The following CLSTN2 variants were observed in gnomAD, a reference collection of about 807,000 sequenced individuals.
The protein encoded by CLSTN2 is calsyntenin 2, also known as calsyntenin-2.
In CLSTN2, 48 loss-of-function variants were observed where a neutral mutation model predicts 101.2. The observed-to-expected ratio is 0.47, with a 90% CI of 0.38 to 0.60. CLSTN2 has a LOEUF of 0.60. Among genes scored for constraint, CLSTN2 ranks in the 20% least tolerant of loss-of-function variants. The pLI, the probability that CLSTN2 is intolerant of heterozygous loss-of-function variation, is 0.00. For synonymous variants in CLSTN2, 481 were observed against 463.6 expected (o/e 1.04, Z -0.48); for missense variants, 1,160 against 1,238.2 (o/e 0.94, Z 0.95).
In CLSTN2 at chr3:140,268,106, G is replaced by A. The variant is rs78469604; in HGVS notation, c.232+92033G>A. Reference sequence around the variant, plus strand: ...CTTGGAGGCGAAAAGAGCTATCGGGGTGAACCGCTGGCTGCCCTCACATAG... The same window carrying A: ...CTTGGAGGCGAAAAGAGCTATCGGGATGAACCGCTGGCTGCCCTCACATAG... On this transcript the variant is annotated intron_variant, in intron 2 of 16. Coordinates refer to ENST00000458420, the MANE Select transcript of CLSTN2 (RefSeq NM_022131.3). Among the ~76,000 whole-genome samples the A allele has an allele frequency of 2.6e-5, 4 of 152,146 alleles. No individual in the cohort carries two copies. In the East Asian group the frequency reaches 7.7e-4, roughly 29 times the overall value.
chr3:140,329,722 T>C (rs2087363652), intron 2 of CLSTN2, among the ~76,000 whole-genome samples: 1 of 152,236 alleles, frequency 6.6e-6, no homozygotes, highest in Non-Finnish European at 1.5e-5. Flanking sequence ...CTCATCTGGC[T>C]TCCTGTATTC....
At chr3:140,523,132 T>C (rs1935066702) in intron 8 of CLSTN2, among the ~76,000 whole-genome samples, 1 of 152,066 alleles carries the variant, frequency 6.6e-6, no homozygotes, top group East Asian at 1.9e-4. Flanking sequence ...TTGATGCCCA[T>C]GCACAGAGCA....
chr3:140,527,027 A>G (rs1043858244), intron 8 of CLSTN2, among the ~76,000 whole-genome samples: 1 of 152,306 alleles, frequency 6.6e-6, no homozygotes, highest in South Asian at 2.1e-4. Context: ...CAGCATTGGC[A>G]AAGAATTTAT....
At chr3:140,351,796 T>TTC (rs949276443) in intron 2 of CLSTN2, among the ~76,000 whole-genome samples, 2 of 151,684 alleles carry the variant, frequency 1.3e-5, no homozygotes, top group Non-Finnish European at 2.9e-5. Context: ...TGTTTTGTTT[T>TTC]TTTTTTTTCT....
At chr3:140,400,698 TA>T (rs934718020) in intron 2 of CLSTN2, among the ~76,000 whole-genome samples, 36 of 147,180 alleles carry the variant, frequency 2.4e-4, no homozygotes, top group South Asian at 1.5e-3. Context: ...GACCTCATCT[TA>T]AAAAAAAAAA....
At chr3:140,286,463 A>G (rs920853672) in intron 2 of CLSTN2, among the ~76,000 whole-genome samples, 8 of 152,176 alleles carry the variant, frequency 5.3e-5, no homozygotes, top group Non-Finnish European at 1.2e-4. Flanking sequence ...TCCCTGACAA[A>G]TTAGGGAGAA....
intron 1 of CLSTN2, among the ~76,000 whole-genome samples, chr3:140,134,226 A>C (rs1473218602): frequency 6.6e-6 from 1 of 152,170 alleles, no homozygotes; most frequent in African/African-American, 2.4e-5. Context: ...GTAAGCACTG[A>C]AGATGCCTTT....
intron 2 of CLSTN2, among the ~76,000 whole-genome samples, chr3:140,335,910 C>G (rs1206326786): frequency 6.6e-6 from 1 of 152,178 alleles, no homozygotes; most frequent in Non-Finnish European, 1.5e-5. Flanking sequence ...CTTCTTTCAT[C>G]TCATCTGCAC....
At chr3:139,985,619 T>G (rs1182705343) in intron 1 of CLSTN2, among the ~76,000 whole-genome samples, 1 of 152,198 alleles carries the variant, frequency 6.6e-6, no homozygotes, top group Non-Finnish European at 1.5e-5. Flanking sequence ...TCCATTGCTC[T>G]CATCAGTTCT....
intron 1 of CLSTN2, among the ~76,000 whole-genome samples, chr3:139,969,990 T>A (rs2107818467): frequency 6.6e-6 from 1 of 152,272 alleles, no homozygotes; most frequent in African/African-American, 2.4e-5. Flanking sequence ...GTCATAAAAC[T>A]GGGCTCAATT....
At chr3:140,103,608 A>G (rs1000074871) in intron 1 of CLSTN2, among the ~76,000 whole-genome samples, 1 of 152,226 alleles carries the variant, frequency 6.6e-6, no homozygotes, top group African/African-American at 2.4e-5. Flanking sequence ...TCAGAATCCT[A>G]GTCTCAATAT....
At chr3:139,971,521 G>A (rs559917160) in intron 1 of CLSTN2, among the ~76,000 whole-genome samples, 1 of 152,362 alleles carries the variant, frequency 6.6e-6, no homozygotes, top group African/African-American at 2.4e-5. Flanking sequence ...GCAGAGCATT[G>A]CAGACTTCCT....
intron 2 of CLSTN2, among the ~76,000 whole-genome samples, chr3:140,311,101 A>T (rs1233574489): frequency 2.0e-5 from 3 of 152,150 alleles, no homozygotes; most frequent in Non-Finnish European, 4.4e-5. Context: ...CAGATTGGGC[A>T]GTGAGTCAAT....
At chr3:139,972,455 G>C (rs1179672227) in intron 1 of CLSTN2, among the ~76,000 whole-genome samples, 1 of 152,166 alleles carries the variant, frequency 6.6e-6, no homozygotes. Context: ...ACTAAGCTGA[G>C]TGGAGAGGAA....
chr3:140,370,485 G>A (rs2087840948), intron 2 of CLSTN2, among the ~76,000 whole-genome samples: 1 of 152,114 alleles, frequency 6.6e-6, no homozygotes, highest in Non-Finnish European at 1.5e-5. Flanking sequence ...GAGAGGGAGG[G>A]AGGGAGAGAA....
chr3:140,259,336 T>G (rs2086630370), intron 2 of CLSTN2, among the ~76,000 whole-genome samples: 1 of 151,910 alleles, frequency 6.6e-6, no homozygotes, highest in South Asian at 2.1e-4. Context: ...TAGCCAGGTG[T>G]GGTGGCAGGC....
intron 2 of CLSTN2, among the ~76,000 whole-genome samples, chr3:140,289,649 G>A (rs1244130837): frequency 1.3e-5 from 2 of 152,036 alleles, no homozygotes; most frequent in African/African-American, 2.4e-5. Context: ...CAGACAATGG[G>A]TGACTTAATG....
chr3:140,129,750 A>G (rs2009493891), intron 1 of CLSTN2, among the ~76,000 whole-genome samples: 1 of 152,172 alleles, frequency 6.6e-6, no homozygotes, highest in South Asian at 2.1e-4. Flanking sequence ...ATCAGGCACC[A>G]GATCAGCTGG....
chr3:140,551,589 A>G (rs1935700366), intron 10 of CLSTN2, among the ~76,000 whole-genome samples: 2 of 152,164 alleles, frequency 1.3e-5, no homozygotes. Flanking sequence ...AAAAGGTGGA[A>G]GGTGCCAGAG....
Sources: gnomAD v4.1 joint callset for allele counts (sites outside exome capture counted in the v4.1 genomes callset) on GRCh38, gnomAD v4.1.1 for gene constraint, MANE v1.5 for transcripts, NCBI Gene and HGNC (gene_info 2026-07-23, HGNC 2026-07-21) for gene names.